Variants in IGSF21 observed in about 807,000 individuals in gnomAD.
IGSF21 encodes the protein immunoglobin superfamily member 21.
A neutral mutation model predicts 46.8 loss-of-function variants in IGSF21; 28 were observed. The observed-to-expected ratio is 0.60, with a 90% CI of 0.44 to 0.82. The LOEUF (loss-of-function observed/expected upper bound fraction) is 0.82. Ranked by LOEUF, IGSF21 falls within the 40% of genes least tolerant of loss-of-function variation. The pLI is 0.00. For missense variants in IGSF21, 624 were observed against 665.5 expected (o/e 0.94, Z 0.69); for synonymous variants, 284 against 273.6 (o/e 1.04, Z -0.38).
chr1:18,144,538 C>T (rs1039174347), intron 1 of IGSF21, among the ~76,000 whole-genome samples: 3 of 152,134 alleles, frequency 2.0e-5, no homozygotes, highest in South Asian at 2.1e-4. Context: ...AGCCTGGGTC[C>T]GGAACCCTCT....
chr1:18,327,124 TTTTG>T (rs1362484744), intron 3 of IGSF21, among the ~76,000 whole-genome samples: 1 of 152,170 alleles, frequency 6.6e-6, no homozygotes. Context: ...TCTCCAAGCC[TTTTG>T]ATCCACGTTG....
chr1:18,357,607 G>T (rs2086034739), intron 4 of IGSF21, among the ~76,000 whole-genome samples: 1 of 152,070 alleles, frequency 6.6e-6, no homozygotes, highest in Non-Finnish European at 1.5e-5. Context: ...GGCTTTTATT[G>T]GGCTATGCAG....
chr1:18,153,802 G>A (rs935496218), intron 1 of IGSF21, among the ~76,000 whole-genome samples: 13 of 152,142 alleles, frequency 8.5e-5, no homozygotes, highest in African/African-American at 2.9e-4. Flanking sequence ...TGCTGTCCCC[G>A]ATTCCCCACG....
In IGSF21 at chr1:18,335,362, C is replaced by T. The variant is rs553107162; in HGVS notation, c.424+352C>T. Among the ~76,000 whole-genome samples, 138 of 152,346 alleles carry T rather than the reference C, an allele frequency of 9.1e-4. No individual in the cohort carries two copies. The highest frequency in any genetic ancestry group is 1.4e-3 in the Non-Finnish European group (94 of 68,034). ...TCAGCCAAAAGATTCTCCTGCACCTCCTGAGGCCTTAATGGAGAGGGCATA... is the reference window on the plus strand; with the variant it reads ...TCAGCCAAAAGATTCTCCTGCACCTTCTGAGGCCTTAATGGAGAGGGCATA... On this transcript the variant is annotated intron_variant, in intron 4 of 9. Transcript: ENST00000251296. The surrounding 1 kb of genome is among the most constrained non-coding windows in gnomAD (Gnocchi z 4.8).
At chr1:18,159,810 T>C (rs2086600573) in intron 1 of IGSF21, among the ~76,000 whole-genome samples, 2 of 151,892 alleles carry the variant, frequency 1.3e-5, no homozygotes, top group African/African-American at 4.8e-5. Flanking sequence ...GCCTCCTGAG[T>C]AGCTGGGATT....
At chr1:18,373,873 T>C (rs928272613) in intron 6 of IGSF21, among the ~76,000 whole-genome samples, 5 of 152,198 alleles carry the variant, frequency 3.3e-5, no homozygotes, top group African/African-American at 9.6e-5. Context: ...TGTCCTAAAA[T>C]GCCTAAAATG....
intron 2 of IGSF21, among the ~76,000 whole-genome samples, chr1:18,253,548 A>G (rs183808451): frequency 5.9e-5 from 9 of 152,362 alleles, no homozygotes; most frequent in Admixed American, 4.6e-4. Context: ...GAAGTAGCTC[A>G]ATAAAGAGAA....
chr1:18,304,042 G>A (rs2085387699), intron 3 of IGSF21, among the ~76,000 whole-genome samples: 1 of 152,200 alleles, frequency 6.6e-6, no homozygotes, highest in South Asian at 2.1e-4. Context: ...GGCTGGACAG[G>A]CGGAGGTGGA....
intron 1 of IGSF21, among the ~76,000 whole-genome samples, chr1:18,226,825 A>G (rs953924232): frequency 6.6e-6 from 1 of 152,212 alleles, no homozygotes; most frequent in Non-Finnish European, 1.5e-5. Context: ...CCATTAGATC[A>G]ATGACTGGAC....
intron 1 of IGSF21, among the ~76,000 whole-genome samples, chr1:18,188,551 G>T (rs2086925925): frequency 6.6e-6 from 1 of 152,124 alleles, no homozygotes; most frequent in Non-Finnish European, 1.5e-5. Flanking sequence ...TGACATTTTG[G>T]AACTTGGACT....
At chr1:18,267,103 G>T (rs1038814658) in intron 2 of IGSF21, among the ~76,000 whole-genome samples, 1 of 152,230 alleles carries the variant, frequency 6.6e-6, no homozygotes, top group African/African-American at 2.4e-5. Flanking sequence ...CTCAGGCTCA[G>T]AGAGCTCCCA....
intron 1 of IGSF21, among the ~76,000 whole-genome samples, chr1:18,205,287 T>C (rs2084306618): frequency 6.6e-6 from 1 of 152,140 alleles, no homozygotes; most frequent in Admixed American, 6.5e-5. Context: ...TTTTTTATTT[T>C]CTACAATAAA....
At chr1:18,208,397 T>TATGTATATA (rs368652183) in intron 1 of IGSF21, among the ~76,000 whole-genome samples, 1 of 92,586 alleles carries the variant, frequency 1.1e-5, no homozygotes, top group Non-Finnish European at 2.3e-5. Context: ...ATATATATAT[T>TATGTATATA]TTTTGAGACG....
intron 2 of IGSF21, among the ~76,000 whole-genome samples, chr1:18,263,842 C>T (rs370611801): frequency 7.9e-5 from 12 of 152,346 alleles, no homozygotes; most frequent in African/African-American, 2.6e-4. Flanking sequence ...ATTTTCTCGT[C>T]TTCTTTCTCT....
chr1:18,192,760 A>C (rs536091945), intron 1 of IGSF21, among the ~76,000 whole-genome samples: 1 of 152,206 alleles, frequency 6.6e-6, no homozygotes, highest in Non-Finnish European at 1.5e-5. Context: ...CTCTGAGTTT[A>C]ATTTTGGTTT....
chr1:18,304,140 TA>T (rs2085388635), intron 3 of IGSF21, among the ~76,000 whole-genome samples: 1 of 151,870 alleles, frequency 6.6e-6, no homozygotes, highest in African/African-American at 2.4e-5. Context: ...AGAGAGAAGT[TA>T]AACGTGGCCC....
At chr1:18,135,351 G>A (rs1346016301) in intron 1 of IGSF21, among the ~76,000 whole-genome samples, 2 of 151,964 alleles carry the variant, frequency 1.3e-5, no homozygotes, top group African/African-American at 2.4e-5. Flanking sequence ...ATGCTGGTGC[G>A]CTGCACCCAC....
chr1:18,305,964 A>G (rs1194555783), intron 3 of IGSF21, among the ~76,000 whole-genome samples: 1 of 152,210 alleles, frequency 6.6e-6, no homozygotes, highest in Non-Finnish European at 1.5e-5. Flanking sequence ...GCTAAGAGCT[A>G]TAGTTTTCTT....
intron 2 of IGSF21, among the ~76,000 whole-genome samples, chr1:18,282,280 A>C (rs1484318697): frequency 1.3e-5 from 2 of 152,076 alleles, no homozygotes; most frequent in Non-Finnish European, 2.9e-5. Context: ...ACTGAGTTGG[A>C]ACCTCCAGGA....
Sources: gnomAD v4.1 joint callset for allele counts (sites outside exome capture counted in the v4.1 genomes callset) on GRCh38, gnomAD v4.1.1 for gene constraint, Gnocchi (gnomAD v3.1) non-coding constraint, MANE v1.5 for transcripts, NCBI Gene and HGNC (gene_info 2026-07-23, HGNC 2026-07-21) for gene names.